Variants in CFDP1 observed in about 807,000 individuals in gnomAD.
CFDP1 encodes chromatin remodeling protein CFDP1.
A neutral mutation model predicts 40.1 loss-of-function variants in CFDP1; 31 were observed. That is an observed-to-expected ratio of 0.77 (90% CI 0.58 to 1.04). The LOEUF is 1.04. Among genes scored for constraint, CFDP1 ranks in the 50% least tolerant of loss-of-function variants. The probability of loss-of-function intolerance (pLI) is 0.00; values close to 1 mark genes in which losing one functional copy is unlikely to be tolerated. For missense variants in CFDP1, 423 were observed against 343.4 expected (o/e 1.23, Z -1.83); for synonymous variants, 167 against 120.0 (o/e 1.39, Z -2.56).
intron 4 of CFDP1, among the ~76,000 whole-genome samples, chr16:75,395,814 C>T (rs2078991639): frequency 6.6e-6 from 1 of 151,970 alleles, no homozygotes; most frequent in Admixed American, 6.6e-5. Flanking sequence ...TGGACGAAAG[C>T]AACATGACTG....
intron 4 of CFDP1, among the ~76,000 whole-genome samples, chr16:75,404,510 C>T (rs1201566040): frequency 2.0e-5 from 3 of 152,032 alleles, no homozygotes; most frequent in South Asian, 4.1e-4. Context: ...CATGAGCCAC[C>T]GCGCCCGGCC....
intron 5 of CFDP1, among the ~76,000 whole-genome samples, chr16:75,391,109 C>T (rs7185976): frequency 6.6e-6 from 1 of 152,314 alleles, no homozygotes; most frequent in South Asian, 2.1e-4. Context: ...GCTGCCATTT[C>T]TCCATTCTTT....
At chr16:75,380,636 G>A (rs1331563052) in intron 5 of CFDP1, among the ~76,000 whole-genome samples, 1 of 152,110 alleles carries the variant, frequency 6.6e-6, no homozygotes, top group African/African-American at 2.4e-5. Context: ...CGGGTAGGAA[G>A]AAAGGTCTCT....
chr16:75,379,080 T>C (rs1392810262), intron 5 of CFDP1, among the ~76,000 whole-genome samples: 1 of 114,342 alleles, frequency 8.7e-6, no homozygotes, highest in Non-Finnish European at 2.0e-5. Context: ...TTGTTGAATA[T>C]AGCTAAAGCA....
intron 5 of CFDP1, 75 bp from the exon 6 acceptor site, chr16:75,305,257 T>G: frequency 1.1e-5 from 16 of 1,469,584 alleles, no homozygotes; most frequent in Non-Finnish European, 1.5e-5. Context: ...CTGATGCAAA[T>G]GGGAATCCCC....
At chr16:75,328,296 G>C (rs749375610) in intron 5 of CFDP1, among the ~76,000 whole-genome samples, 1 of 150,584 alleles carries the variant, frequency 6.6e-6, no homozygotes, top group Non-Finnish European at 1.5e-5. Flanking sequence ...TTAAAAGCTA[G>C]AGCGATGGCC....
chr16:75,390,507 G>A lies in CFDP1; in HGVS notation c.650+4583C>T, dbSNP rs7206269. Among the ~76,000 whole-genome samples, 190 of 152,264 alleles carry A rather than the reference G, an allele frequency of 1.2e-3. 1 individual carries two copies. Among genetic ancestry groups the A allele is most frequent in the African/African-American group, 4.4e-3 (182 of 41,530 alleles). On this transcript the variant is annotated intron_variant, in intron 5 of 6. Transcript: ENST00000283882. ...TCTATCCACTGACCACCTGCCTCCC[G>A]ATTCTGCTAAAAATCCCCAGCTGTC...
intron 5 of CFDP1, among the ~76,000 whole-genome samples, chr16:75,314,311 C>T (rs538034333): frequency 1.3e-5 from 2 of 152,258 alleles, no homozygotes; most frequent in South Asian, 2.1e-4. Context: ...AGTACCAATA[C>T]CTGCTACAAC....
chr16:75,384,364 A>C (rs1344109603), intron 5 of CFDP1, among the ~76,000 whole-genome samples: 1 of 152,226 alleles, frequency 6.6e-6, no homozygotes, highest in African/African-American at 2.4e-5. Flanking sequence ...CCATCTCAAA[A>C]AAAAGAGAAA....
chr16:75,400,285 A>AAAAAC (rs140790741), intron 4 of CFDP1, among the ~76,000 whole-genome samples: 2 of 150,736 alleles, frequency 1.3e-5, no homozygotes, highest in African/African-American at 2.4e-5. Context: ...TCTCAAAACA[A>AAAAAC]AAAACAAAAC....
At chr16:75,423,718 G>A (rs897286899) in intron 1 of CFDP1, among the ~76,000 whole-genome samples, 14 of 152,224 alleles carry the variant, frequency 9.2e-5, no homozygotes, top group South Asian at 2.1e-4. Context: ...GTTTCACCAC[G>A]TTAGCCAGGA....
intron 6 of CFDP1, among the ~76,000 whole-genome samples, chr16:75,299,612 C>T (rs1007102748): frequency 5.3e-5 from 8 of 151,210 alleles, no homozygotes; most frequent in South Asian, 2.1e-4. Context: ...AAAAAAAATT[C>T]GAATCCTACT....
chr16:75,293,876 T>A lies in CFDP1; in HGVS notation c.*76A>T. On this transcript the variant is annotated 3_prime_UTR_variant, in exon 7 of 7. Transcript: ENST00000283882. Reference sequence around the variant, plus strand: ...CTGGGAAACAGATGATGAGAAACACTGTAAAACATTTCACAGACGCACAAA... The same window carrying A: ...CTGGGAAACAGATGATGAGAAACACAGTAAAACATTTCACAGACGCACAAA... 8.1e-7 allele frequency: 1 copy of A among 1,227,312 alleles called. No individual in the cohort carries two copies. Among genetic ancestry groups the A allele is most frequent in the Non-Finnish European group, 1.2e-6 (1 of 840,114 alleles). The allele number at this position is 1,227,312 out of a possible 1,614,324, so 76.0% of individuals were successfully genotyped here.
intron 4 of CFDP1, among the ~76,000 whole-genome samples, chr16:75,407,012 A>G (rs1597390278): frequency 6.6e-6 from 1 of 152,202 alleles, no homozygotes; most frequent in Admixed American, 6.5e-5. Flanking sequence ...CAGAGACTCC[A>G]TCTCAAATAA....
chr16:75,306,920 C>T (rs1016183844), intron 5 of CFDP1, among the ~76,000 whole-genome samples: 19 of 151,564 alleles, frequency 1.3e-4, no homozygotes, highest in Non-Finnish European at 2.5e-4. Context: ...CACACACTTT[C>T]TTTTTCACCA....
chr16:75,395,741 T>C (rs985693560), intron 4 of CFDP1, among the ~76,000 whole-genome samples: 7 of 152,180 alleles, frequency 4.6e-5, no homozygotes, highest in Non-Finnish European at 8.8e-5. Flanking sequence ...TTTATCACCC[T>C]ATAACAACCC....
chr16:75,366,558 G>C (rs2078715367), intron 5 of CFDP1, among the ~76,000 whole-genome samples: 1 of 152,088 alleles, frequency 6.6e-6, no homozygotes, highest in Non-Finnish European at 1.5e-5. Context: ...GGGAGGCGGA[G>C]GTTGCAGTGA....
chr16:75,342,985 A>G (rs918511371), intron 5 of CFDP1, among the ~76,000 whole-genome samples: 3 of 152,120 alleles, frequency 2.0e-5, no homozygotes, highest in Non-Finnish European at 4.4e-5. Context: ...CCTCAATCCA[A>G]TGGGGTCACT....
At chr16:75,311,106 G>GCC (rs1181784857) in intron 5 of CFDP1, among the ~76,000 whole-genome samples, 1 of 152,196 alleles carries the variant, frequency 6.6e-6, no homozygotes, top group African/African-American at 2.4e-5. Context: ...CTGAAGGGAT[G>GCC]TTTAGTCCAA....
Sources: gnomAD v4.1 joint callset for allele counts (sites outside exome capture counted in the v4.1 genomes callset) on GRCh38, gnomAD v4.1.1 for gene constraint, MANE v1.5 for transcripts, NCBI Gene and HGNC (gene_info 2026-07-23, HGNC 2026-07-21) for gene names.